Variants in NF1 observed in about 807,000 individuals in gnomAD.
The protein encoded by NF1 is neurofibromin 1.
In NF1, 122 loss-of-function variants were observed where a neutral mutation model predicts 325.7. The observed-to-expected ratio is 0.37, with a 90% CI of 0.32 to 0.44. NF1 has a LOEUF of 0.44. Among genes scored for constraint, NF1 ranks in the 20% least tolerant of loss-of-function variants. The pLI is 1.00. For synonymous variants in NF1, 1,091 were observed against 1,186.0 expected (o/e 0.92, Z 1.65); for missense variants, 2,140 against 3,415.4 (o/e 0.63, Z 9.31).
chr17:31,259,953 A>G (rs778806369), intron 33 of NF1, among the ~76,000 whole-genome samples: 29 of 152,164 alleles, frequency 1.9e-4, no homozygotes, highest in Non-Finnish European at 2.1e-4. Flanking sequence ...AAGAGAGTGA[A>G]TGTCAGCATA....
intron 42 of NF1, 95 bp from the exon 43 acceptor site, chr17:31,337,273 G>A (rs1435032469): frequency 3.1e-6 from 3 of 966,266 alleles, no homozygotes; most frequent in Non-Finnish European, 4.8e-6. Flanking sequence ...TTTTTATATG[G>A]TATTCAAATT....
chr17:31,231,016 A>G, intron 24 of NF1, 91 bp downstream of exon 24: 2 of 1,043,230 alleles, frequency 1.9e-6, no homozygotes, highest in Non-Finnish European at 1.4e-6. Flanking sequence ...TTTTGTGTGT[A>G]TTTAAACTTT....
chr17:31,137,863 A>G (rs1427028090), intron 1 of NF1: 1 of 152,142 alleles, frequency 6.6e-6, no homozygotes, highest in Non-Finnish European at 1.5e-5. Flanking sequence ...CAGAATTTGG[A>G]AAGAATTTCT....
Position 31,227,414 on chromosome 17 carries a change from G to C in NF1, c.2326-109G>C, listed in dbSNP as rs17884194. The C allele has an allele frequency of 2.2e-4, 314 of 1,396,010 alleles. 1 individual carries two copies. In the African/African-American group the frequency reaches 3.8e-3, roughly 17 times the overall value. 86.5% of individuals were successfully genotyped at this position (1,396,010 alleles called of 1,614,324 possible). A position where few individuals can be genotyped will look rare whatever the true frequency, so the allele number is the denominator to read the frequency against. On this transcript the variant is annotated intron_variant, in intron 19 of 57. Coordinates refer to ENST00000358273, the MANE Select transcript of NF1 (RefSeq NM_001042492.3). The stretch of plus-strand genomic sequence containing the variant: ...AATCCAAGATACGTGCATATTACAA[G>C]TATAATATCTGAGTATTTAATATAC...
At chr17:31,132,311 G>A (rs1915451594) in intron 1 of NF1, among the ~76,000 whole-genome samples, 1 of 152,130 alleles carries the variant, frequency 6.6e-6, no homozygotes, top group Non-Finnish European at 1.5e-5. Flanking sequence ...CGAGGCTGAG[G>A]TAGATGGATC....
chr17:31,235,015 AATAG>A (rs1382252452), intron 27 of NF1, among the ~76,000 whole-genome samples: 2 of 152,298 alleles, frequency 1.3e-5, no homozygotes, highest in African/African-American at 4.8e-5. Context: ...TCATTTAGGT[AATAG>A]ATAGAAATTT....
chr17:31,153,332 T>G (rs1358924006), intron 1 of NF1, among the ~76,000 whole-genome samples: 1 of 152,270 alleles, frequency 6.6e-6, no homozygotes, highest in Non-Finnish European at 1.5e-5. Context: ...TAGTGGCTGT[T>G]GTATTGGGCA....
intron 29 of NF1, among the ~76,000 whole-genome samples, chr17:31,236,711 A>G (rs1175248232): frequency 6.6e-6 from 1 of 151,754 alleles, no homozygotes; most frequent in African/African-American, 2.4e-5. Context: ...CTGGCCTCCA[A>G]AAATACTGGG....
intron 36 of NF1, among the ~76,000 whole-genome samples, chr17:31,322,598 T>C (rs561824565): frequency 7.0e-6 from 1 of 143,414 alleles, no homozygotes; most frequent in East Asian, 2.2e-4. Flanking sequence ...GGTAGGAGGA[T>C]CACTGGTGGA....
At chr17:31,303,761 G>T (rs868528877) in intron 36 of NF1, 2 of 152,368 alleles carry the variant, frequency 1.3e-5, no homozygotes, top group Non-Finnish European at 2.9e-5. Flanking sequence ...AAACCAAGAA[G>T]AAAATTTCTC....
At chr17:31,347,380 A>G (rs2070020579) in intron 48 of NF1, among the ~76,000 whole-genome samples, 1 of 152,148 alleles carries the variant, frequency 6.6e-6, no homozygotes, top group South Asian at 2.1e-4. Flanking sequence ...ATTATGAGAA[A>G]ACAAATTCTT....
chr17:31,371,967 C>T (rs1265495293), intron 57 of NF1, among the ~76,000 whole-genome samples: 1 of 152,160 alleles, frequency 6.6e-6, no homozygotes, highest in Non-Finnish European at 1.5e-5. Flanking sequence ...TGAGTGGCTC[C>T]TAGAGGGAGG....
chr17:31,351,860 GT>G lies in NF1; in HGVS notation c.7458-382del, dbSNP rs74671521. On this transcript the variant is annotated intron_variant, in intron 50 of 57. Coordinates refer to ENST00000358273, the MANE Select transcript of NF1 (RefSeq NM_001042492.3). ...TTAAAACATTAAGTGATTTTTTGGG[GT>G]TTTTTTTTTTTTTTAAGCTCATCAA... is the stretch of plus-strand genomic sequence containing the variant. Among the ~76,000 whole-genome samples, 489 of 141,218 alleles carry G rather than the reference GT, an allele frequency of 3.5e-3. 1 individual carries two copies. Among genetic ancestry groups the G allele is most frequent in the East Asian group, 9.0e-3 (44 of 4,888 alleles). 92.6% of individuals were successfully genotyped at this position (141,218 alleles called of 152,430 possible). A position where few individuals can be genotyped will look rare whatever the true frequency, so the allele number is the denominator to read the frequency against.
Position 31,201,130 on chromosome 17 carries a change from A to G in NF1, c.1156A>G (p.Ile386Val), listed in dbSNP as rs779930387. 3 of 1,613,998 alleles carry G rather than the reference A, an allele frequency of 1.9e-6. No homozygotes were observed. The highest frequency in any genetic ancestry group is 3.3e-5 in the Admixed American group (2 of 60,008). ...MIDCLVSCFR[I>V]SPHNNQHFKI... is the part of the protein sequence containing the mutation. ...TGACTGCCTTGTTTCTTGCTTTCGT[A>G]TAAGCCCTCACAACAACCAACACTT... The change falls in exon 10 of 58, where the codon ATA (isoleucine) becomes GTA (valine). Residue 386 changes from isoleucine to valine, a missense_variant. Physicochemically the swap from Ile to Val is conservative, Grantham distance 29. Transcript: ENST00000358273.
At chr17:31,271,165 C>T (rs1189593693) in intron 36 of NF1, among the ~76,000 whole-genome samples, 1 of 152,136 alleles carries the variant, frequency 6.6e-6, no homozygotes, top group Non-Finnish European at 1.5e-5. Context: ...GCATGAAAAC[C>T]TAACCAACAG....
At chr17:31,316,291 A>G (rs1236865864) in intron 36 of NF1, among the ~76,000 whole-genome samples, 2 of 152,208 alleles carry the variant, frequency 1.3e-5, no homozygotes, top group Non-Finnish European at 1.5e-5. Flanking sequence ...ACTCAAAGAT[A>G]TCTTACCTAC....
At chr17:31,295,828 T>C (rs1451022945) in intron 36 of NF1, 1 of 1,614,050 alleles carries the variant, frequency 6.2e-7, no homozygotes, top group African/African-American at 1.3e-5. Flanking sequence ...CGATATGTAG[T>C]TTGGAGGGCA....
intron 8 of NF1, among the ~76,000 whole-genome samples, chr17:31,199,091 C>G (rs569786201): frequency 2.4e-4 from 36 of 152,068 alleles, no homozygotes; most frequent in Admixed American, 1.0e-3. Flanking sequence ...TCTCTTTTCA[C>G]TCTAATTTTT....
chr17:31,357,251 T>C lies in NF1; in HGVS notation c.7870-18T>C, dbSNP rs1018087992. On this transcript the variant is annotated intron_variant, in intron 53 of 57. Transcript: ENST00000358273. ...CAAAGTAAAAATGTTGTGTGTTTAC[T>C]TTTTTGCATCTTGGCAGGCTACACT... is the stretch of plus-strand genomic sequence containing the variant. 6.2e-7 allele frequency: 1 copy of C among 1,610,618 alleles called. No homozygotes were observed. Among genetic ancestry groups the C allele is most frequent in the Non-Finnish European group, 8.5e-7 (1 of 1,177,412 alleles).
Sources: allele counts gnomAD v4.1 joint callset (sites outside exome capture counted in the v4.1 genomes callset), GRCh38; gene constraint gnomAD v4.1.1; transcripts MANE v1.5; gene names NCBI Gene and HGNC (gene_info 2026-07-23, HGNC 2026-07-21).